IMPDH1: variants seen among roughly 807,000 people sequenced by gnomAD.
IMPDH1 encodes inosine-5'-monophosphate dehydrogenase 1.
In IMPDH1, 41 loss-of-function variants were observed where a neutral mutation model predicts 73.5. The ratio of observed to expected loss-of-function variants is 0.56; its 90% CI spans 0.43 to 0.72. The LOEUF (loss-of-function observed/expected upper bound fraction) is 0.72. Among genes scored for constraint, IMPDH1 ranks in the 30% least tolerant of loss-of-function variants. The pLI, the probability that IMPDH1 is intolerant of heterozygous loss-of-function variation, is 0.00. For synonymous variants in IMPDH1, 318 were observed against 334.3 expected, an observed-to-expected ratio of 0.95 and a Z score of 0.53; for missense variants, 645 against 824.8, an observed-to-expected ratio of 0.78 and a Z score of 2.67.
intron 4 of IMPDH1, among the ~76,000 whole-genome samples, chr7:128,404,033 C>CA (rs1251645260): frequency 6.6e-6 from 1 of 152,232 alleles, no homozygotes; most frequent in Non-Finnish European, 1.5e-5. Flanking sequence ...CTTTAAGTCT[C>CA]AGAGTTTGTC....
chr7:128,404,343 G>C (rs1798554812), intron 4 of IMPDH1, among the ~76,000 whole-genome samples: 1 of 152,162 alleles, frequency 6.6e-6, no homozygotes, highest in African/African-American at 2.4e-5. Context: ...GGGGAGGAAA[G>C]AGGCCTTAGA....
intron 13 of IMPDH1, 21 bp from the exon 14 acceptor site, chr7:128,395,054 G>A: frequency 6.2e-7 from 1 of 1,613,878 alleles, no homozygotes; most frequent in Non-Finnish European, 8.5e-7. Context: ...CAAGGGATTA[G>A]TGCCTCCAGC....
At position 128,394,500 on chromosome 7, in the gene IMPDH1, T is replaced by A. The variant is rs546532618; in HGVS notation, c.1650A>T (p.Gln550His). The change falls in exon 15 of 17, where the codon CAA becomes CAT. Residue 550 changes from glutamine to histidine, a missense_variant. Gln to His is a conservative substitution (Grantham distance 24, BLOSUM62 0). Transcript: ENST00000338791. The surrounding 1 kb of genome is among the most constrained non-coding windows in gnomAD (Gnocchi z 5.5). ...GGGCCCCGATATCCTGGCAGCCGTG[T>A]TGGATGCCTGCTATGAGGTAGGGCA... is the stretch of plus-strand genomic sequence containing the variant. ...KFVPYLIAGI[Q>H]HGCQDIGARS... is the part of the protein sequence containing the mutation. The A allele has an allele frequency of 6.2e-7, 1 of 1,613,984 alleles. No individual in the cohort carries two copies. The highest frequency in any genetic ancestry group is 8.5e-7 in the Non-Finnish European group (1 of 1,179,966).
chr7:128,403,624 C>T, intron 5 of IMPDH1, 82 bp downstream of exon 5: 1 of 1,240,932 alleles, frequency 8.1e-7, no homozygotes, highest in Non-Finnish European at 1.2e-6. Context: ...TCCATCTCTC[C>T]ATGCCCTGCC....
At chr7:128,402,461 C>T (rs1021047525) in intron 5 of IMPDH1, among the ~76,000 whole-genome samples, 1 of 152,160 alleles carries the variant, frequency 6.6e-6, no homozygotes, top group African/African-American at 2.4e-5. Context: ...TGACACAAAG[C>T]CACACTGGCC....
At chr7:128,400,290 G>C (rs756217845) in intron 8 of IMPDH1, 43 bp downstream of exon 8, 18 of 1,606,378 alleles carry the variant, frequency 1.1e-5, no homozygotes, top group Non-Finnish European at 1.5e-5. Flanking sequence ...CAGCGTGAGG[G>C]TCCTCTCTAC....
At chr7:128,397,114 A>G (rs1237274501) in intron 10 of IMPDH1, 92 bp from the exon 11 acceptor site, 1 of 836,096 alleles carries the variant, frequency 1.2e-6, no homozygotes, top group Non-Finnish European at 2.1e-6. Context: ...CTCAAATCCT[A>G]TGAAAACTGT....
rs538947567 is a variant in IMPDH1 at position 128,392,687 on chromosome 7, G to C, written c.*320C>G. On this transcript the variant is annotated 3_prime_UTR_variant, in exon 17 of 17. Transcript: ENST00000338791. ...CCTACAGGAGAAGCCAGGAGGGGCC[G>C]CCTGCCCCTGGGGTGGGGGCCAGGC... 2.6e-6 allele frequency: 1 copy of C among 381,156 alleles called. No individual in the cohort carries two copies. The highest frequency in any genetic ancestry group is 2.1e-5 in the African/African-American group (1 of 48,190). The allele number at this position is 381,156 out of a possible 1,614,324, so 23.6% of individuals were successfully genotyped here. A position where few individuals can be genotyped will look rare whatever the true frequency, so the allele number is the denominator to read the frequency against.
chr7:128,403,902 C>A lies in IMPDH1; in HGVS notation c.354-148G>T, dbSNP rs183967625. The A allele has an allele frequency of 8.5e-5, 62 of 731,278 alleles. 1 individual carries two copies. The highest frequency in any genetic ancestry group is 7.4e-4 in the Middle Eastern group (2 of 2,706). 45.3% of individuals were successfully genotyped at this position (731,278 alleles called of 1,614,324 possible). On this transcript the variant is annotated intron_variant, in intron 4 of 16. Coordinates refer to ENST00000338791, the MANE Select transcript of IMPDH1 (RefSeq NM_000883.4). ...CCCCATCCCTACTGCCCCATCAGGGCAGTTCCCACCTCGTGCACCTCACTA... is the reference window on the plus strand; with the variant it reads ...CCCCATCCCTACTGCCCCATCAGGGAAGTTCCCACCTCGTGCACCTCACTA...
intron 12 of IMPDH1, among the ~76,000 whole-genome samples, chr7:128,395,766 G>C (rs754225530): frequency 1.3e-5 from 2 of 152,256 alleles, no homozygotes; most frequent in Non-Finnish European, 2.9e-5. Context: ...ATAAACCAGA[G>C]ATGGCGCCTC....
chr7:128,403,640 G>T, intron 5 of IMPDH1, 66 bp downstream of exon 5: 2 of 1,419,914 alleles, frequency 1.4e-6, no homozygotes, highest in South Asian at 1.1e-5. Context: ...CTGCCCCTGA[G>T]CAAGAAGTCA....
Position 128,409,801 on chromosome 7 carries a change from T to G in IMPDH1, c.101A>C (p.Gln34Pro). 1 of 1,502,030 alleles carries G rather than the reference T, an allele frequency of 6.7e-7. No individual in the cohort carries two copies. The highest frequency in any genetic ancestry group is 1.2e-5 in the South Asian group (1 of 80,526). 93.0% of individuals were successfully genotyped at this position (1,502,030 alleles called of 1,614,324 possible). ...RQHPGHETAAQRYSARLLQAG... is the reference protein window; with the variant it reads ...RQHPGHETAAPRYSARLLQAG... ...CTGCAGCAGTCGGGCGCTGTACCGC[T>G]GCGCCGCCGTCTCGTGTCCCGGGTG... The change falls in exon 1 of 17, where the codon CAG becomes CCG. Residue 34 changes from glutamine (Q) to proline (P), a missense_variant. Physicochemically the swap from Gln to Pro is moderately conservative, Grantham distance 76. Around this residue, in one of 2 missense-constraint regions of IMPDH1, gnomAD observed 186 missense variants for 186.6 expected, o/e 1.00. Coordinates refer to ENST00000338791, the MANE Select transcript of IMPDH1 (RefSeq NM_000883.4).
At position 128,399,522 on chromosome 7, in the gene IMPDH1, CA is replaced by C. The variant is rs71700779; in HGVS notation, c.874+572del. Among the ~76,000 whole-genome samples the C allele has an allele frequency of 6.9e-3, 827 of 120,540 alleles. 1 individual carries two copies. Among genetic ancestry groups the C allele is most frequent in the African/African-American group, 0.013 (431 of 32,060 alleles). 79.1% of individuals were successfully genotyped at this position (120,540 alleles called of 152,430 possible). A position where few individuals can be genotyped will look rare whatever the true frequency, so the allele number is the denominator to read the frequency against. ...TGAAACCCCATCTCTACTAAAAATA[CA>C]AAAAAAAAAAAAAAATTAGCTGGTA... On this transcript the variant is annotated intron_variant, in intron 9 of 16. Transcript: ENST00000338791.
Position 128,396,585 on chromosome 7 carries a change from C to T in IMPDH1, c.1261+15G>A, listed in dbSNP as rs1584720935. ...CCCGGGGCCAGCGGGCACTCGCTCA[C>T]CTCCTGACACCCACCTTCCTGGGTG... On this transcript the variant is annotated intron_variant, in intron 12 of 16. Coordinates refer to ENST00000338791, the MANE Select transcript of IMPDH1 (RefSeq NM_000883.4). This position sits in a 1 kb window ranked among gnomAD's most constrained non-coding sequence, Gnocchi z 4.0. The T allele has an allele frequency of 6.5e-7, 1 of 1,544,772 alleles. No homozygotes were observed. Among genetic ancestry groups the T allele is most frequent in the East Asian group, 2.4e-5 (1 of 40,946 alleles).
chr7:128,396,471 C>T lies in IMPDH1; in HGVS notation c.1261+129G>A. 1 of 788,242 alleles carries T rather than the reference C, an allele frequency of 1.3e-6. No homozygotes were observed. Among genetic ancestry groups the T allele is most frequent in the African/African-American group, 1.7e-5 (1 of 58,706 alleles). 48.8% of individuals were successfully genotyped at this position (788,242 alleles called of 1,614,324 possible). ...TCAGTGGGCCCGATGGGGTGGGGCC[C>T]ATGCCTGGGTCACCCCGGAGCCTAC... On this transcript the variant is annotated intron_variant, in intron 12 of 16. Coordinates refer to ENST00000338791, the MANE Select transcript of IMPDH1 (RefSeq NM_000883.4). This position sits in a 1 kb window ranked among gnomAD's most constrained non-coding sequence, Gnocchi z 4.0.
chr7:128,394,695 T>A lies in IMPDH1; in HGVS notation c.1551-96A>T. 7 of 1,507,134 alleles carry A rather than the reference T, an allele frequency of 4.6e-6. No individual in the cohort carries two copies. The highest frequency in any genetic ancestry group is 3.4e-5 in the South Asian group (3 of 88,060). 93.4% of individuals were successfully genotyped at this position (1,507,134 alleles called of 1,614,324 possible). On this transcript the variant is annotated intron_variant, in intron 14 of 16. Coordinates refer to ENST00000338791, the MANE Select transcript of IMPDH1 (RefSeq NM_000883.4). The surrounding 1 kb of genome is among the most constrained non-coding windows in gnomAD (Gnocchi z 5.5). ...AAAAACGGGATACCGCCCAGGAAGG[T>A]CCCCCAGGCCACCCCTCACTGGGCT...
At position 128,395,168 on chromosome 7, in the gene IMPDH1, T is replaced by C. The variant is rs764087422; in HGVS notation, c.1368A>G (p.Gly456=). The C allele has an allele frequency of 2.5e-6, 4 of 1,614,020 alleles. No homozygotes were observed. Among genetic ancestry groups the C allele is most frequent in the Non-Finnish European group, 1.7e-6 (2 of 1,180,050 alleles). ...CAAGGGCCAGGGCCTTGACCACGTG[T>C]CCCACGGTCTGGATGCCGCCATCGG... ...IIADGGIQTV[G]HVVKALALGA... is the part of the protein sequence containing the mutation. The change falls in exon 13 of 17, where the codon GGA becomes GGG. Residue 456 remains glycine (G), a synonymous_variant. Coordinates refer to ENST00000338791, the MANE Select transcript of IMPDH1 (RefSeq NM_000883.4).
At chr7:128,402,549 T>G (rs964757595) in intron 5 of IMPDH1, among the ~76,000 whole-genome samples, 2 of 152,186 alleles carry the variant, frequency 1.3e-5, no homozygotes, top group Non-Finnish European at 2.9e-5. Flanking sequence ...CCAGAATCAT[T>G]CGAATTTCCC....
rs770434775 is a variant in IMPDH1, at chr7:128,400,108, C to T, written c.861G>A (p.Gln287=). 3.7e-6 allele frequency: 6 copies of T among 1,612,824 alleles called. No homozygotes were observed. Among genetic ancestry groups the T allele is most frequent in the Non-Finnish European group, 5.1e-6 (6 of 1,179,698 alleles). Residue 287 remains glutamine (Q), a synonymous_variant, in exon 9 of 17, where the codon CAG becomes CAA. Transcript: ENST00000338791. ...VTLKEANEIL[Q]RSKKGKLPIV... ...GCTCCCTGGTACCTTTCTTGCTACG[C>T]TGCAGGATCTCATTTGCCTCTTTCA...
Sources: allele counts gnomAD v4.1 joint callset (sites outside exome capture counted in the v4.1 genomes callset), GRCh38; gene constraint gnomAD v4.1.1; regional missense constraint gnomAD v4.1.1; non-coding constraint Gnocchi (gnomAD v3.1); transcripts MANE v1.5; gene names NCBI Gene and HGNC (gene_info 2026-07-23, HGNC 2026-07-21).